The following RAB8B variants were observed in gnomAD, a reference collection of about 807,000 sequenced individuals.
RAB8B encodes RAB8B, member RAS oncogene family, also known as ras-related protein Rab-8B.
RAB8B carries 11 observed loss-of-function variants against 32.0 expected under a neutral mutation model. The ratio of observed to expected loss-of-function variants is 0.34; its 90% CI spans 0.22 to 0.57. The LOEUF is 0.57. Among genes scored for constraint, RAB8B ranks in the 20% least tolerant of loss-of-function variants. The pLI, the probability that RAB8B is intolerant of heterozygous loss-of-function variation, is 0.86. For synonymous variants in RAB8B, 103 were observed against 89.6 expected, an observed-to-expected ratio of 1.15 and a Z score of -0.85; for missense variants, 190 against 258.5, an observed-to-expected ratio of 0.73 and a Z score of 1.82.
At chr15:63,233,691 CTA>C (rs1264781765) in intron 1 of RAB8B, among the ~76,000 whole-genome samples, 1 of 152,192 alleles carries the variant, frequency 6.6e-6, no homozygotes, top group Non-Finnish European at 1.5e-5. Flanking sequence ...ATTTGGGAAA[CTA>C]TTTTTCTATT....
intron 1 of RAB8B, among the ~76,000 whole-genome samples, chr15:63,219,197 C>A (rs1567012645): frequency 6.7e-6 from 1 of 149,848 alleles, no homozygotes; most frequent in Admixed American, 6.7e-5. Context: ...ACTCAGGAGG[C>A]TGAGGCAGGG....
At chr15:63,204,136 A>C (rs2037677614) in intron 1 of RAB8B, among the ~76,000 whole-genome samples, 2 of 152,130 alleles carry the variant, frequency 1.3e-5, no homozygotes, top group African/African-American at 4.8e-5. Context: ...CATGAGTTCC[A>C]TACAAAATAT....
intron 3 of RAB8B, among the ~76,000 whole-genome samples, chr15:63,253,312 CTA>C (rs2038132165): frequency 6.6e-6 from 1 of 151,916 alleles, no homozygotes; most frequent in Non-Finnish European, 1.5e-5. Flanking sequence ...TATTCTTTGT[CTA>C]TGTGTATATG....
intron 1 of RAB8B, among the ~76,000 whole-genome samples, chr15:63,196,153 T>C (rs2037598050): frequency 6.6e-6 from 1 of 152,158 alleles, no homozygotes; most frequent in South Asian, 2.1e-4. Flanking sequence ...TTATGGGCAA[T>C]TAATAAAAAC....
chr15:63,262,089 A>G (rs1002808817), intron 6 of RAB8B, among the ~76,000 whole-genome samples: 1 of 152,226 alleles, frequency 6.6e-6, no homozygotes, highest in South Asian at 2.1e-4. Context: ...CCAGAAATAA[A>G]AAGTAGAGAT....
At chr15:63,246,369 A>G (rs1214519969) in intron 2 of RAB8B, among the ~76,000 whole-genome samples, 1 of 152,136 alleles carries the variant, frequency 6.6e-6, no homozygotes, top group African/African-American at 2.4e-5. Flanking sequence ...CTTCTGACCA[A>G]CTGGCTATAA....
chr15:63,221,738 C>A (rs1210907976), intron 1 of RAB8B, among the ~76,000 whole-genome samples: 1 of 152,132 alleles, frequency 6.6e-6, no homozygotes, highest in Non-Finnish European at 1.5e-5. Context: ...CATGTGCTTG[C>A]CTTCCACCCT....
At chr15:63,226,013 G>A (rs1240832319) in intron 1 of RAB8B, among the ~76,000 whole-genome samples, 2 of 151,878 alleles carry the variant, frequency 1.3e-5, no homozygotes, top group Non-Finnish European at 2.9e-5. Flanking sequence ...GCTCATTTTT[G>A]TATTTTCTGT....
intron 1 of RAB8B, among the ~76,000 whole-genome samples, chr15:63,197,341 T>TCTTTCTTTC (rs2037609182): frequency 6.7e-6 from 1 of 148,738 alleles, no homozygotes; most frequent in African/African-American, 2.5e-5. Context: ...GGCTTTCTTT[T>TCTTTCTTTC]TTTTTTTCTT....
chr15:63,221,638 T>C (rs528253545), intron 1 of RAB8B, among the ~76,000 whole-genome samples: 7 of 152,234 alleles, frequency 4.6e-5, no homozygotes, highest in South Asian at 2.1e-4. Context: ...AGGGCTCATC[T>C]CCACCGCTAG....
rs56015501 is a variant in RAB8B, at chr15:63,229,780, C to CAAAAAAAAAAAAAA, written c.125-14959_125-14946dup. Among the ~76,000 whole-genome samples the CAAAAAAAAAAAAAA allele has an allele frequency of 2.2e-4, 8 of 35,972 alleles. 3 individuals are homozygous for CAAAAAAAAAAAAAA. The highest frequency in any genetic ancestry group is 3.6e-4 in the African/African-American group (4 of 11,164). 23.6% of individuals were successfully genotyped at this position (35,972 alleles called of 152,430 possible). A position where few individuals can be genotyped will look rare whatever the true frequency, so the allele number is the denominator to read the frequency against. On this transcript the variant is annotated intron_variant, in intron 1 of 7. Transcript: ENST00000321437. ...TAGGTGACAGAGCAAGACGCTGTTT[C>CAAAAAAAAAAAAAA]AAAAAAAAAAAAAAAAAAAAAAAAA...
In RAB8B at chr15:63,263,820, A is replaced by G. The variant is rs932990590; in HGVS notation, c.*201A>G. On this transcript the variant is annotated 3_prime_UTR_variant, in exon 8 of 8. Coordinates refer to ENST00000321437, the MANE Select transcript of RAB8B (RefSeq NM_016530.3). ...ACAGACTCCCTTTTTCAAACATGGA[A>G]GCAATGAAGTGGAGACACATGCAGG... 5.9e-6 allele frequency: 3 copies of G among 504,254 alleles called. No individual in the cohort carries two copies. The highest frequency in any genetic ancestry group is 3.9e-5 in the African/African-American group (2 of 51,926). The allele number at this position is 504,254 out of a possible 1,614,324, so 31.2% of individuals were successfully genotyped here.
At chr15:63,223,410 A>T (rs1275645138) in intron 1 of RAB8B, among the ~76,000 whole-genome samples, 3 of 152,160 alleles carry the variant, frequency 2.0e-5, no homozygotes, top group Non-Finnish European at 4.4e-5. Flanking sequence ...GGGCCCAGCC[A>T]CCATTTTTTA....
intron 1 of RAB8B, among the ~76,000 whole-genome samples, chr15:63,202,667 A>G (rs1278738221): frequency 6.6e-6 from 1 of 152,214 alleles, no homozygotes; most frequent in African/African-American, 2.4e-5. Flanking sequence ...AGGAACAGCT[A>G]CCTTAATTGT....
In RAB8B at chr15:63,267,059, G is replaced by T. The variant is rs549364172; in HGVS notation, c.*3440G>T. 3.3e-5 allele frequency: 5 copies of T among 152,414 alleles called. No homozygotes were observed. The highest frequency in any genetic ancestry group is 2.0e-4 in the Admixed American group (3 of 15,256). 9.4% of individuals were successfully genotyped at this position (152,414 alleles called of 1,614,324 possible). On this transcript the variant is annotated 3_prime_UTR_variant, in exon 8 of 8. Transcript: ENST00000321437. ...TTCCTTTTTCCTTGTTACATCCAAG[G>T]GGGGCACAGGGGTGGGTGGAAAGGA...
At chr15:63,219,128 G>A (rs1225634343) in intron 1 of RAB8B, among the ~76,000 whole-genome samples, 2 of 144,202 alleles carry the variant, frequency 1.4e-5, no homozygotes, top group South Asian at 2.3e-4. Context: ...GTGAAACCCC[G>A]TCTCCACTAA....
chr15:63,261,186 A>G (rs2038201148), intron 6 of RAB8B, among the ~76,000 whole-genome samples: 1 of 152,206 alleles, frequency 6.6e-6, no homozygotes, highest in African/African-American at 2.4e-5. Context: ...CGACATCAGT[A>G]GTGATCAGGG....
intron 1 of RAB8B, among the ~76,000 whole-genome samples, chr15:63,197,370 C>CTTTTTTTTTTTTTTTTTTTTT (rs58765418): frequency 1.2e-3 from 72 of 61,428 alleles, no homozygotes; most frequent in African/African-American, 1.3e-3. Context: ...TCTTTCTTTT[C>CTTTTTTTTTTTTTTTTTTTTT]TTTTTTTTTT....
rs1204932408 is a variant in RAB8B at position 63,266,902 on chromosome 15, G to C, written c.*3283G>C. The C allele has an allele frequency of 6.6e-6, 1 of 152,570 alleles. No homozygotes were observed. The highest frequency in any genetic ancestry group is 1.5e-5 in the Non-Finnish European group (1 of 67,992). The allele number at this position is 152,570 out of a possible 1,614,324, so 9.5% of individuals were successfully genotyped here. A position where few individuals can be genotyped will look rare whatever the true frequency, so the allele number is the denominator to read the frequency against. ...ACATTCTTTTCAAGTTCATGACTTAGATTCCTTTACAAATTTAGTTCTCAA... is the reference window on the plus strand; with the variant it reads ...ACATTCTTTTCAAGTTCATGACTTACATTCCTTTACAAATTTAGTTCTCAA... On this transcript the variant is annotated 3_prime_UTR_variant, in exon 8 of 8. Coordinates refer to ENST00000321437, the MANE Select transcript of RAB8B (RefSeq NM_016530.3).
Sources: gnomAD v4.1 joint callset for allele counts (sites outside exome capture counted in the v4.1 genomes callset) on GRCh38, gnomAD v4.1.1 for gene constraint, MANE v1.5 for transcripts, NCBI Gene and HGNC (gene_info 2026-07-23, HGNC 2026-07-21) for gene names.